The following GPD2 variants were observed in gnomAD, a reference collection of about 807,000 sequenced individuals.
The protein encoded by GPD2 is glycerol-3-phosphate dehydrogenase 2.
Under a neutral mutation model 82.4 loss-of-function variants are expected in GPD2, and 54 were observed. The ratio of observed to expected loss-of-function variants is 0.66; its 90% CI spans 0.53 to 0.82. The LOEUF (loss-of-function observed/expected upper bound fraction) is 0.82, where lower values mean the gene tolerates loss of function less well. Ranked by LOEUF, GPD2 falls within the 40% of genes least tolerant of loss-of-function variation. The pLI, the probability that GPD2 is intolerant of heterozygous loss-of-function variation, is 0.00. For missense variants in GPD2, 748 were observed against 896.2 expected, an observed-to-expected ratio of 0.83 and a Z score of 2.11; for synonymous variants, 288 against 306.1, an observed-to-expected ratio of 0.94 and a Z score of 0.62.
chr2:156,469,820 G>A (rs72893397), intron 1 of GPD2, among the ~76,000 whole-genome samples: 2,315 of 152,224 alleles, frequency 0.015, 42 homozygotes, highest in Non-Finnish European at 0.022. Context: ...GAGAGCATGG[G>A]GATTAGAAAG....
chr2:156,424,926 T>C, the GPD2 span, among the ~76,000 whole-genome samples: 1 of 152,200 alleles, frequency 6.6e-6, no homozygotes, highest in Non-Finnish European at 1.5e-5. Flanking sequence ...CATCTACCTC[T>C]AAATTCAATA....
chr2:156,533,524 T>C (rs1431600406), intron 6 of GPD2, among the ~76,000 whole-genome samples: 1 of 151,554 alleles, frequency 6.6e-6, no homozygotes, highest in Non-Finnish European at 1.5e-5. Context: ...TCTTATTAGC[T>C]CTAGATAGTT....
chr2:156,460,873 G>T (rs1027431973), intron 1 of GPD2, among the ~76,000 whole-genome samples: 2 of 152,104 alleles, frequency 1.3e-5, no homozygotes, highest in East Asian at 3.9e-4. Context: ...ATAGAATCTT[G>T]TAGATTGCAG....
chr2:156,415,912 T>A, the GPD2 span, among the ~76,000 whole-genome samples: 1 of 97,846 alleles, frequency 1.0e-5, no homozygotes, highest in Admixed American at 1.0e-4. Context: ...TCCCAGCTAC[T>A]TGGGAGGCTG....
chr2:156,564,968 A>G (rs1249537834), intron 9 of GPD2, among the ~76,000 whole-genome samples: 1 of 152,080 alleles, frequency 6.6e-6, no homozygotes, highest in Non-Finnish European at 1.5e-5. Flanking sequence ...AAATGGTATC[A>G]ATATAGATAA....
In GPD2 at chr2:156,557,503, A is replaced by G. The variant is rs201011983; in HGVS notation, c.1086A>G (p.Thr362=). The G allele has an allele frequency of 6.3e-7, 1 of 1,596,634 alleles. No homozygotes were observed. Among genetic ancestry groups the G allele is most frequent in the Non-Finnish European group, 8.6e-7 (1 of 1,164,104 alleles). ...AGTTDTPTDV[T]HHPIPSEEDI... ...CTACTGATACTCCAACTGATGTTAC[A>G]CACCATCCAATTCCTTCAGAAGAAG... The change falls in exon 9 of 17, where the codon ACA becomes ACG. Residue 362 remains threonine (T), a synonymous_variant. Transcript: ENST00000438166.
intron 1 of GPD2, among the ~76,000 whole-genome samples, chr2:156,449,317 A>G (rs1682471393): frequency 6.6e-6 from 1 of 152,202 alleles, no homozygotes; most frequent in Non-Finnish European, 1.5e-5. Context: ...GCTAGAAACC[A>G]TTAGAGGATT....
the GPD2 span, among the ~76,000 whole-genome samples, chr2:156,418,044 A>G: frequency 5.3e-5 from 8 of 151,208 alleles, no homozygotes; most frequent in Admixed American, 4.6e-4. Flanking sequence ...GTGAAACCCC[A>G]TCTCTACTAA....
chr2:156,475,927 CTATT>C (rs1202715987), intron 1 of GPD2, among the ~76,000 whole-genome samples, 167 bp from the exon 2 acceptor site: 1 of 152,006 alleles, frequency 6.6e-6, no homozygotes, highest in African/African-American at 2.4e-5. Context: ...AATTTTTTGG[CTATT>C]TATTTTGAGT....
intron 3 of GPD2, among the ~76,000 whole-genome samples, chr2:156,505,835 A>G (rs1684768292): frequency 6.6e-6 from 1 of 152,134 alleles, no homozygotes; most frequent in African/African-American, 2.4e-5. Context: ...CCCTCTTTTC[A>G]CTTCCTTGCT....
At chr2:156,510,716 C>G (rs1183666360) in intron 3 of GPD2, 80 bp from the exon 4 acceptor site, 1 of 1,158,610 alleles carries the variant, frequency 8.6e-7, no homozygotes, top group African/African-American at 1.5e-5. Flanking sequence ...GTGATTGTCT[C>G]TACCCTGGAG....
Position 156,476,183 on chromosome 2 carries a change from G to C in GPD2, c.78G>C (p.Gln26His). 6.2e-7 allele frequency: 1 copy of C among 1,601,228 alleles called. No homozygotes were observed. The highest frequency in any genetic ancestry group is 8.6e-7 in the Non-Finnish European group (1 of 1,168,350). Residue 26 changes from glutamine (Q) to histidine (H), a missense_variant, in exon 2 of 17, where the codon CAG (glutamine) becomes CAC (histidine). This residue lies in a region of GPD2 where 692 missense variants were observed against 809.7 expected (regional missense o/e 0.85). Coordinates refer to ENST00000438166, the MANE Select transcript of GPD2 (RefSeq NM_000408.5). Reference sequence around the variant, plus strand: ...TTGCAACTGTTTTAGGACTTTCTCAGTTTGCTCATTACAGAAGGAAACAAG... The same window carrying C: ...TTGCAACTGTTTTAGGACTTTCTCACTTTGCTCATTACAGAAGGAAACAAG... The part of the protein sequence containing the change: ...GALATVLGLS[Q>H]FAHYRRKQMN...
intron 2 of GPD2, among the ~76,000 whole-genome samples, chr2:156,484,560 C>G (rs1037747399): frequency 6.6e-6 from 1 of 152,064 alleles, no homozygotes; most frequent in Non-Finnish European, 1.5e-5. Flanking sequence ...TCCTTGATGG[C>G]CAGTTGAGGT....
intron 13 of GPD2, among the ~76,000 whole-genome samples, chr2:156,573,126 C>G (rs966645014): frequency 2.0e-5 from 3 of 152,062 alleles, no homozygotes; most frequent in Non-Finnish European, 1.5e-5. Flanking sequence ...ATATCAGTCA[C>G]CTGGGAAATG....
At chr2:156,463,987 A>G (rs960987856) in intron 1 of GPD2, among the ~76,000 whole-genome samples, 2 of 152,200 alleles carry the variant, frequency 1.3e-5, no homozygotes, top group African/African-American at 4.8e-5. Flanking sequence ...AAGAAAAGAA[A>G]TATCTTTTTC....
chr2:156,524,670 C>T (rs566839123), intron 6 of GPD2, among the ~76,000 whole-genome samples: 85 of 152,156 alleles, frequency 5.6e-4, no homozygotes, highest in Non-Finnish European at 5.1e-4. Context: ...GTGTCACTTT[C>T]ACCACATTCT....
At chr2:156,536,499 G>A (rs559323531) in intron 6 of GPD2, among the ~76,000 whole-genome samples, 1 of 152,340 alleles carries the variant, frequency 6.6e-6, no homozygotes, top group South Asian at 2.1e-4. Context: ...AAATCGATGA[G>A]TAACTCTTAT....
At chr2:156,418,772 C>G in the GPD2 span, among the ~76,000 whole-genome samples, 1 of 152,152 alleles carries the variant, frequency 6.6e-6, no homozygotes, top group African/African-American at 2.4e-5. Context: ...AAGGGGAATT[C>G]TGTTGAGGGC....
intron 6 of GPD2, among the ~76,000 whole-genome samples, chr2:156,520,346 C>T (rs1441011746): frequency 1.3e-5 from 1 of 75,116 alleles, no homozygotes; most frequent in East Asian, 5.7e-4. Flanking sequence ...TATTTCCCTG[C>T]CTCCTGTCCA....
Sources: gnomAD v4.1 joint callset for allele counts (sites outside exome capture counted in the v4.1 genomes callset) on GRCh38, gnomAD v4.1.1 for gene constraint, gnomAD v4.1.1 regional missense constraint, MANE v1.5 for transcripts, NCBI Gene and HGNC (gene_info 2026-07-23, HGNC 2026-07-21) for gene names.